The following NRG1 variants were observed in gnomAD, a reference collection of about 807,000 sequenced individuals.
The protein encoded by NRG1 is pro-neuregulin-1, membrane-bound isoform.
In NRG1, 18 loss-of-function variants were observed where a neutral mutation model predicts 63.8. That is an observed-to-expected ratio of 0.28 (90% CI 0.19 to 0.42). The LOEUF (loss-of-function observed/expected upper bound fraction) is 0.42. NRG1 is among the 10% of genes least tolerant of loss of function. The pLI, the probability that NRG1 is intolerant of heterozygous loss-of-function variation, is 1.00. For missense variants in NRG1, 762 were observed against 814.7 expected, an observed-to-expected ratio of 0.94 and a Z score of 0.79; for synonymous variants, 302 against 301.3, an observed-to-expected ratio of 1.00 and a Z score of -0.02.
chr8:32,596,377 G>A (rs1479246348), intron 2 of NRG1, among the ~76,000 whole-genome samples: 4 of 152,054 alleles, frequency 2.6e-5, no homozygotes, highest in Admixed American at 6.6e-5. Context: ...GCCGAGGAGG[G>A]CAGATCACCT....
chr8:32,156,796 C>T (rs1838130987), intron 1 of NRG1, among the ~76,000 whole-genome samples: 1 of 152,114 alleles, frequency 6.6e-6, no homozygotes, highest in African/African-American at 2.4e-5. Context: ...ATTACACAGG[C>T]ATGGTGGCAT....
rs918934784 is a variant in NRG1 at position 31,784,284 on chromosome 8, T to C, written c.37+144853T>C. Among the ~76,000 whole-genome samples the C allele has an allele frequency of 1.3e-5, 2 of 152,218 alleles. 1 individual carries two copies. Among genetic ancestry groups the C allele is most frequent in the Middle Eastern group, 6.3e-3 (2 of 316 alleles). ...CTATATTATTTTTCAGAATAAACAC[T>C]CACTACTTGTTAAGGAAATCATGGT... On this transcript the variant is annotated intron_variant, in intron 1 of 10. Transcript: ENST00000519301.
intron 1 of NRG1, among the ~76,000 whole-genome samples, chr8:32,290,001 G>T (rs117474308): frequency 0.11 from 16,188 of 152,166 alleles, 1,116 homozygotes; most frequent in Non-Finnish European, 0.15. Flanking sequence ...AGTGCTTTTG[G>T]AGGTGAAGCC....
intron 1 of NRG1, among the ~76,000 whole-genome samples, chr8:32,012,137 G>T (rs1438641421): frequency 6.6e-6 from 1 of 152,086 alleles, no homozygotes; most frequent in Non-Finnish European, 1.5e-5. Context: ...TTGGAAGCAA[G>T]CAAACCCCTC....
At chr8:32,690,294 C>G (rs1289376909) in intron 5 of NRG1, among the ~76,000 whole-genome samples, 1 of 152,080 alleles carries the variant, frequency 6.6e-6, no homozygotes, top group Non-Finnish European at 1.5e-5. Context: ...TTCCACTGGT[C>G]CCATGGTCTA....
At chr8:31,900,399 T>C (rs148914983) in intron 1 of NRG1, among the ~76,000 whole-genome samples, 22 of 152,336 alleles carry the variant, frequency 1.4e-4, no homozygotes, top group Non-Finnish European at 3.1e-4. Flanking sequence ...AAAAGCACTT[T>C]ATTATAAGAT....
intron 5 of NRG1, among the ~76,000 whole-genome samples, chr8:32,666,809 C>T (rs2128885135): frequency 6.6e-6 from 1 of 152,266 alleles, no homozygotes; most frequent in Non-Finnish European, 1.5e-5. Flanking sequence ...CAGTCCCTGG[C>T]AACCACCATT....
intron 1 of NRG1, among the ~76,000 whole-genome samples, chr8:32,218,189 G>A (rs1845444965): frequency 6.6e-6 from 1 of 152,178 alleles, no homozygotes; most frequent in Non-Finnish European, 1.5e-5. Context: ...TCTGTGCATA[G>A]TGAGCTGTAA....
intron 1 of NRG1, among the ~76,000 whole-genome samples, chr8:32,132,925 C>T (rs1386687984): frequency 6.6e-6 from 1 of 151,984 alleles, no homozygotes; most frequent in African/African-American, 2.4e-5. Context: ...GAGAAATAGA[C>T]ACTTTTGGGG....
chr8:31,824,249 C>T (rs1300796860), intron 1 of NRG1, among the ~76,000 whole-genome samples: 1 of 143,720 alleles, frequency 7.0e-6, no homozygotes, highest in Non-Finnish European at 1.5e-5. Flanking sequence ...TGTTCAATTC[C>T]CACCTGTGAG....
intron 1 of NRG1, among the ~76,000 whole-genome samples, chr8:31,806,804 A>T (rs1822331173): frequency 6.6e-6 from 1 of 152,200 alleles, no homozygotes; most frequent in Non-Finnish European, 1.5e-5. Context: ...TAATTAAGTG[A>T]TCTTGTTTTC....
chr8:32,068,822 G>C (rs145590167), intron 1 of NRG1, among the ~76,000 whole-genome samples: 3 of 152,124 alleles, frequency 2.0e-5, no homozygotes, highest in Non-Finnish European at 4.4e-5. Context: ...CGTTAGCTAC[G>C]TAACTAAGTC....
chr8:32,376,697 C>T (rs1467465991), intron 1 of NRG1, among the ~76,000 whole-genome samples: 1 of 152,144 alleles, frequency 6.6e-6, no homozygotes, highest in Non-Finnish European at 1.5e-5. Flanking sequence ...AGAGAGCAAG[C>T]CCTGTGTACT....
intron 1 of NRG1, among the ~76,000 whole-genome samples, chr8:32,096,188 C>G (rs1829881385): frequency 6.6e-6 from 1 of 151,908 alleles, no homozygotes; most frequent in Admixed American, 6.5e-5. Context: ...TAGCATTAAG[C>G]AAAAAGTGGT....
At chr8:32,337,528 G>C (rs1372693698) in intron 1 of NRG1, among the ~76,000 whole-genome samples, 2 of 151,348 alleles carry the variant, frequency 1.3e-5, no homozygotes, top group African/African-American at 4.9e-5. Context: ...CTTTGAATGG[G>C]GACCACATAC....
chr8:32,484,718 G>A (rs1252617391), intron 1 of NRG1, among the ~76,000 whole-genome samples: 2 of 151,508 alleles, frequency 1.3e-5, no homozygotes, highest in Non-Finnish European at 2.9e-5. Context: ...GCCTATTTCT[G>A]TTTCTTTTTA....
intron 1 of NRG1, among the ~76,000 whole-genome samples, chr8:32,178,508 G>A (rs1217739238): frequency 6.6e-6 from 1 of 152,178 alleles, no homozygotes; most frequent in East Asian, 1.9e-4. Context: ...TGCTCTGGAG[G>A]CTGAGGCAGG....
chr8:31,869,119 G>A (rs1237056711), intron 1 of NRG1, among the ~76,000 whole-genome samples: 1 of 152,178 alleles, frequency 6.6e-6, no homozygotes, highest in Non-Finnish European at 1.5e-5. Flanking sequence ...AGAGGTTAAT[G>A]TCTCATCAAT....
At chr8:32,264,226 T>TAGA (rs1238000732) in intron 1 of NRG1, among the ~76,000 whole-genome samples, 2 of 152,346 alleles carry the variant, frequency 1.3e-5, no homozygotes, top group East Asian at 3.9e-4. Context: ...GTTTATTGGG[T>TAGA]ATCTGTTTAT....
Sources: allele counts gnomAD v4.1 joint callset (sites outside exome capture counted in the v4.1 genomes callset), GRCh38; gene constraint gnomAD v4.1.1; transcripts MANE v1.5; gene names NCBI Gene and HGNC (gene_info 2026-07-23, HGNC 2026-07-21).